Variants in ZC3H3 observed in about 807,000 individuals in gnomAD.
The protein encoded by ZC3H3 is zinc finger CCCH domain-containing protein 3.
Under a neutral mutation model 77.3 loss-of-function variants are expected in ZC3H3, and 36 were observed. That is an observed-to-expected ratio of 0.47 (90% CI 0.36 to 0.61). The LOEUF (loss-of-function observed/expected upper bound fraction) is 0.61. Ranked by LOEUF, ZC3H3 falls within the 20% of genes least tolerant of loss-of-function variation. The pLI is 0.00. For synonymous variants in ZC3H3, 626 were observed against 555.2 expected (o/e 1.13, Z -1.79); for missense variants, 1,331 against 1,312.2 (o/e 1.01, Z -0.22).
At chr8:143,532,794 A>G (rs980834671) in intron 3 of ZC3H3, among the ~76,000 whole-genome samples, 5 of 152,152 alleles carry the variant, frequency 3.3e-5, no homozygotes, top group African/African-American at 1.2e-4. Context: ...GGAGCCACTC[A>G]ACAGCTTCCT....
At chr8:143,520,382 T>C (rs936284900) in intron 3 of ZC3H3, among the ~76,000 whole-genome samples, 2 of 152,196 alleles carry the variant, frequency 1.3e-5, no homozygotes, top group African/African-American at 4.8e-5. Context: ...AGGGGGCAGC[T>C]GGAGGCCACC....
chr8:143,453,392 A>G (rs4874131), intron 9 of ZC3H3, among the ~76,000 whole-genome samples: 95,574 of 151,996 alleles, frequency 0.63, 30,278 homozygotes, highest in Middle Eastern at 0.66. Context: ...CCCCACAGAA[A>G]CCACATTTTA....
intron 9 of ZC3H3, among the ~76,000 whole-genome samples, chr8:143,461,093 A>C (rs766900990): frequency 1.3e-5 from 2 of 152,194 alleles, no homozygotes; most frequent in East Asian, 3.8e-4. Flanking sequence ...AAATGGTCAA[A>C]ATTTATGTTA....
chr8:143,461,601 C>T (rs1820264139), intron 9 of ZC3H3, among the ~76,000 whole-genome samples: 2 of 152,286 alleles, frequency 1.3e-5, no homozygotes, highest in East Asian at 1.9e-4. Flanking sequence ...AACTGGCAAC[C>T]ACCCGAACGG....
chr8:143,480,133 G>A (rs889039242), intron 4 of ZC3H3, among the ~76,000 whole-genome samples: 1 of 152,236 alleles, frequency 6.6e-6, no homozygotes, highest in Admixed American at 6.5e-5. Flanking sequence ...GACCCTCAGG[G>A]ACTCCTGTCA....
Position 143,536,395 on chromosome 8 carries a change from T to A in ZC3H3, c.1423A>T (p.Ser475Cys). ...CTGAGGGCCTGTCTCCGCCGGAGGC[T>A]GAGGTGGCTCTTGGCGGTGGCGGCA... ...SPAATAKSHL[S>C]LRRRQALRGK... The change falls in exon 3 of 12, where the codon AGC becomes TGC. Residue 475 changes from serine (S) to cysteine (C), a missense_variant. Ser to Cys is a moderately radical substitution (Grantham distance 112, BLOSUM62 -1). Transcript: ENST00000262577. The A allele has an allele frequency of 2.5e-6, 4 of 1,576,906 alleles. No individual in the cohort carries two copies. Among genetic ancestry groups the A allele is most frequent in the Non-Finnish European group, 3.4e-6 (4 of 1,159,980 alleles).
chr8:143,525,237 A>C (rs980212910), intron 3 of ZC3H3, among the ~76,000 whole-genome samples: 33 of 152,260 alleles, frequency 2.2e-4, no homozygotes, highest in African/African-American at 7.2e-4. Context: ...GGAGCTGGTG[A>C]CAGTACCAGC....
chr8:143,522,002 G>A (rs1822257162), intron 3 of ZC3H3, among the ~76,000 whole-genome samples: 1 of 152,196 alleles, frequency 6.6e-6, no homozygotes, highest in Non-Finnish European at 1.5e-5. Flanking sequence ...GGAAGGGTCA[G>A]ACTAGAAGGG....
intron 3 of ZC3H3, among the ~76,000 whole-genome samples, chr8:143,521,316 G>A (rs2060968): frequency 1.3e-5 from 2 of 152,136 alleles, no homozygotes; most frequent in Middle Eastern, 3.4e-3. Context: ...GTGGAGCCTC[G>A]AAAGTCTGAA....
intron 4 of ZC3H3, among the ~76,000 whole-genome samples, chr8:143,496,334 C>G (rs1025534906): frequency 6.6e-6 from 1 of 152,160 alleles, no homozygotes; most frequent in African/African-American, 2.4e-5. Context: ...AGAGCCACTG[C>G]CCCCCAAGGA....
chr8:143,508,332 G>A (rs1269823283), intron 3 of ZC3H3, among the ~76,000 whole-genome samples: 1 of 152,224 alleles, frequency 6.6e-6, no homozygotes, highest in Non-Finnish European at 1.5e-5. Flanking sequence ...CCAGAGGGGC[G>A]GGGCTGGGAG....
intron 4 of ZC3H3, among the ~76,000 whole-genome samples, chr8:143,488,946 C>T (rs961314888): frequency 1.9e-4 from 29 of 152,338 alleles, no homozygotes; most frequent in Admixed American, 8.5e-4. Flanking sequence ...TCCTCAGATC[C>T]GCTGTCCATG....
chr8:143,516,558 CACACACACAT>C (rs1375819095), intron 3 of ZC3H3, among the ~76,000 whole-genome samples: 1,637 of 102,380 alleles, frequency 0.016, 13 homozygotes, highest in African/African-American at 0.047. Context: ...CACACACACA[CACACACACAT>C]ACACACACAC....
rs527404440 is a variant in ZC3H3, at chr8:143,471,299, G to A, written c.1904-2640C>T. Among the ~76,000 whole-genome samples the A allele has an allele frequency of 9.1e-4, 138 of 152,352 alleles. 2 individuals carry two copies. The highest frequency in any genetic ancestry group is 3.2e-3 in the African/African-American group (135 of 41,586). On this transcript the variant is annotated intron_variant, in intron 5 of 11. Transcript: ENST00000262577. ...GTGCCCTTGGGAGAAGGCAGCCAGC[G>A]GCAGAGGGTGCCCCAGAAGAGGCAG...
intron 5 of ZC3H3, among the ~76,000 whole-genome samples, chr8:143,472,788 C>A (rs370840642): frequency 6.6e-6 from 1 of 152,334 alleles, no homozygotes; most frequent in Non-Finnish European, 1.5e-5. Flanking sequence ...CCGTGGGTCC[C>A]GCGGGTGCAC....
intron 4 of ZC3H3, among the ~76,000 whole-genome samples, chr8:143,479,354 C>T (rs1426024734): frequency 6.6e-6 from 1 of 152,154 alleles, no homozygotes; most frequent in African/African-American, 2.4e-5. Flanking sequence ...TGGAAACGAA[C>T]TGCATTGAGA....
intron 11 of ZC3H3, 83 bp from the exon 12 acceptor site, chr8:143,438,170 G>T: frequency 6.5e-7 from 1 of 1,533,548 alleles, no homozygotes. Flanking sequence ...TCGGGCTCAG[G>T]ATCGGGGGGC....
At position 143,475,535 on chromosome 8, in the gene ZC3H3, G is replaced by C; in HGVS notation, c.1766C>G (p.Ala589Gly). The change falls in exon 5 of 12, where the codon GCC becomes GGC. Residue 589 changes from alanine (A) to glycine (G), a missense_variant. Around this residue, in one of 3 missense-constraint regions of ZC3H3, gnomAD observed 978 missense variants for 915.5 expected, o/e 1.07. Coordinates refer to ENST00000262577, the MANE Select transcript of ZC3H3 (RefSeq NM_015117.3). ...LRPVASGGGKAQPGSPWWRSK... is the reference protein window; with the variant it reads ...LRPVASGGGKGQPGSPWWRSK... ...CCGCCACCAAGGGGAGCCCGGTTGG[G>C]CTTTCCCACCCCCGCTGGCAACTGG... 6.2e-7 allele frequency: 1 copy of C among 1,610,708 alleles called. No individual in the cohort carries two copies. The highest frequency in any genetic ancestry group is 1.1e-5 in the South Asian group (1 of 90,606).
chr8:143,438,135 C>G (rs761902233), intron 11 of ZC3H3, 48 bp from the exon 12 acceptor site: 1 of 1,580,982 alleles, frequency 6.3e-7, no homozygotes, highest in African/African-American at 1.3e-5. Flanking sequence ...CCTGGAAGAA[C>G]CTCCCCAGCC....
Sources: gnomAD v4.1 joint callset for allele counts (sites outside exome capture counted in the v4.1 genomes callset) on GRCh38, gnomAD v4.1.1 for gene constraint, gnomAD v4.1.1 regional missense constraint, MANE v1.5 for transcripts, NCBI Gene and HGNC (gene_info 2026-07-23, HGNC 2026-07-21) for gene names.